The following GALNT14 variants were observed in gnomAD, a reference collection of about 807,000 sequenced individuals.
The protein encoded by GALNT14 is polypeptide N-acetylgalactosaminyltransferase 14.
GALNT14 carries 60 observed loss-of-function variants against 77.5 expected under a neutral mutation model. The ratio of observed to expected loss-of-function variants is 0.77; its 90% CI spans 0.63 to 0.96. GALNT14 has a LOEUF of 0.96. Ranked by LOEUF, GALNT14 falls within the 40% of genes least tolerant of loss-of-function variation. The pLI is 0.00. For synonymous variants in GALNT14, 280 were observed against 281.7 expected (o/e 0.99, Z 0.06); for missense variants, 710 against 731.0 (o/e 0.97, Z 0.33).
chr2:30,943,245 C>T (rs901001733), intron 8 of GALNT14, among the ~76,000 whole-genome samples: 1 of 152,194 alleles, frequency 6.6e-6, no homozygotes, highest in African/African-American at 2.4e-5. Context: ...AGTCCCCAGA[C>T]TTCTCTGGAG....
chr2:30,915,915 G>T (rs1357447323), intron 13 of GALNT14, among the ~76,000 whole-genome samples: 1 of 152,128 alleles, frequency 6.6e-6, no homozygotes, highest in Non-Finnish European at 1.5e-5. Flanking sequence ...CTTTTCCTGG[G>T]CCTTGAAGCA....
intron 1 of GALNT14, among the ~76,000 whole-genome samples, chr2:31,113,783 A>G (rs751947126): frequency 6.6e-5 from 10 of 152,200 alleles, no homozygotes; most frequent in Non-Finnish European, 1.5e-4. Context: ...GCAGACAGTA[A>G]AACACAAGTA....
intron 3 of GALNT14, among the ~76,000 whole-genome samples, chr2:30,964,699 C>A (rs536086669): frequency 4.6e-5 from 7 of 152,174 alleles, no homozygotes; most frequent in Non-Finnish European, 8.8e-5. Flanking sequence ...TGGGTGGAAG[C>A]ACTGGGCTAA....
intron 1 of GALNT14, among the ~76,000 whole-genome samples, chr2:31,130,827 T>C (rs1678960369): frequency 6.6e-6 from 1 of 151,828 alleles, no homozygotes. Context: ...TATGTGTGTG[T>C]TCATGTTCTT....
chr2:30,947,197 C>A (rs1363632896), intron 6 of GALNT14, among the ~76,000 whole-genome samples: 2 of 152,166 alleles, frequency 1.3e-5, no homozygotes, highest in African/African-American at 4.8e-5. Flanking sequence ...TCCTTTTATT[C>A]TACATATGGC....
At chr2:30,914,016 G>C (rs1250505519) in intron 13 of GALNT14, among the ~76,000 whole-genome samples, 1 of 152,206 alleles carries the variant, frequency 6.6e-6, no homozygotes. Context: ...TAAGCTGAAA[G>C]GGGAAACAAG....
At chr2:30,920,359 T>C (rs1054828073) in intron 13 of GALNT14, among the ~76,000 whole-genome samples, 3 of 151,958 alleles carry the variant, frequency 2.0e-5, no homozygotes, top group Non-Finnish European at 2.9e-5. Context: ...GCAAAAGAAG[T>C]GGGAGCAGAG....
intron 1 of GALNT14, among the ~76,000 whole-genome samples, chr2:31,096,874 C>T (rs1392864515): frequency 2.0e-5 from 3 of 152,158 alleles, no homozygotes; most frequent in Non-Finnish European, 2.9e-5. Context: ...ACAGCAATGG[C>T]AGATGATCCC....
At chr2:31,019,464 T>C (rs1388568964) in intron 1 of GALNT14, among the ~76,000 whole-genome samples, 2 of 152,128 alleles carry the variant, frequency 1.3e-5, no homozygotes, top group Non-Finnish European at 2.9e-5. Flanking sequence ...CATTCTCTTA[T>C]CTAATGACCA....
the GALNT14 span, among the ~76,000 whole-genome samples, chr2:30,892,948 T>C: frequency 6.6e-6 from 1 of 152,220 alleles, no homozygotes; most frequent in Non-Finnish European, 1.5e-5. Flanking sequence ...AGAAAAATGA[T>C]TTTCATCTTA....
intron 1 of GALNT14, among the ~76,000 whole-genome samples, chr2:31,093,092 A>G (rs1676833861): frequency 6.6e-6 from 1 of 152,176 alleles, no homozygotes; most frequent in African/African-American, 2.4e-5. Flanking sequence ...GATCAGGGTG[A>G]GAATGAGAGA....
intron 9 of GALNT14, among the ~76,000 whole-genome samples, 170 bp from the exon 10 acceptor site, chr2:30,932,364 G>T (rs1182039267): frequency 6.6e-6 from 1 of 152,214 alleles, no homozygotes; most frequent in Admixed American, 6.5e-5. Context: ...CCATAAATGG[G>T]AATAGTCCTA....
intron 11 of GALNT14, 60 bp from the exon 12 acceptor site, chr2:30,924,883 G>A (rs1484298469): frequency 6.7e-6 from 9 of 1,349,598 alleles, no homozygotes; most frequent in South Asian, 2.4e-5. Flanking sequence ...AGAGGCAGGC[G>A]CCAGCAACGC....
intron 6 of GALNT14, among the ~76,000 whole-genome samples, chr2:30,950,556 C>T (rs1381773418): frequency 2.0e-5 from 3 of 152,218 alleles, no homozygotes; most frequent in East Asian, 1.9e-4. Context: ...GACTCACGCC[C>T]TCACCCCCTG....
intron 1 of GALNT14, among the ~76,000 whole-genome samples, chr2:31,098,028 T>C (rs554583440): frequency 4.9e-4 from 75 of 152,280 alleles, no homozygotes; most frequent in Non-Finnish European, 9.3e-4. Flanking sequence ...ACTTCTCAAA[T>C]TTACATTATA....
At position 30,910,830 on chromosome 2, in the gene GALNT14, G is replaced by T; in HGVS notation, c.*71C>A. On this transcript the variant is annotated 3_prime_UTR_variant, in exon 15 of 15. Coordinates refer to ENST00000349752, the MANE Select transcript of GALNT14 (RefSeq NM_024572.4). ...CTGAGGTGGTTGCAGGCTGCTTGCT[G>T]CCCAGTTTCCAGTCTGTTCTGGTCC... The T allele has an allele frequency of 3.3e-6, 5 of 1,532,706 alleles. No homozygotes were observed. Among genetic ancestry groups the T allele is most frequent in the Non-Finnish European group, 4.4e-6 (5 of 1,131,222 alleles). The allele number at this position is 1,532,706 out of a possible 1,614,324, so 94.9% of individuals were successfully genotyped here.
intron 1 of GALNT14, among the ~76,000 whole-genome samples, chr2:31,013,548 C>T (rs537304621): frequency 2.1e-4 from 32 of 152,254 alleles, no homozygotes; most frequent in African/African-American, 7.7e-4. Context: ...CAAATGTGAC[C>T]AGAAGCATTT....
chr2:30,898,153 C>G, the GALNT14 span, among the ~76,000 whole-genome samples: 4 of 152,176 alleles, frequency 2.6e-5, no homozygotes, highest in Non-Finnish European at 5.9e-5. Context: ...AGTGAGCTCT[C>G]TCGTCCTCGT....
chr2:30,938,384 A>ACTCTCTCTCT (rs1553339835), intron 9 of GALNT14, among the ~76,000 whole-genome samples: 1 of 141,692 alleles, frequency 7.1e-6, no homozygotes, highest in African/African-American at 2.6e-5. Context: ...ACACACACAC[A>ACTCTCTCTCT]CTCTCTCTCT....
Sources: allele counts gnomAD v4.1 joint callset (sites outside exome capture counted in the v4.1 genomes callset), GRCh38; gene constraint gnomAD v4.1.1; transcripts MANE v1.5; gene names NCBI Gene and HGNC (gene_info 2026-07-23, HGNC 2026-07-21).